The following ADAMTS12 variants were observed in gnomAD, a reference collection of about 807,000 sequenced individuals.
The protein encoded by ADAMTS12 is ADAM metallopeptidase with thrombospondin type 1 motif 12, also known as A disintegrin and metalloproteinase with thrombospondin motifs 12.
A neutral mutation model predicts 167.8 loss-of-function variants in ADAMTS12; 118 were observed. The ratio of observed to expected loss-of-function variants is 0.70; its 90% confidence interval spans 0.61 to 0.82. The LOEUF is 0.82. ADAMTS12 is among the 40% of genes least tolerant of loss of function. The pLI is 0.00. For missense variants in ADAMTS12, 1,916 were observed against 1,998.8 expected (o/e 0.96, Z 0.79); for synonymous variants, 704 against 716.9 (o/e 0.98, Z 0.29).
At chr5:33,558,447 A>G (rs1170663380) in intron 20 of ADAMTS12, among the ~76,000 whole-genome samples, 1 of 152,172 alleles carries the variant, frequency 6.6e-6, no homozygotes, top group Non-Finnish European at 1.5e-5. Flanking sequence ...AACAACTCCT[A>G]CAAAACCACT....
At chr5:33,869,434 G>A (rs915173784) in intron 2 of ADAMTS12, among the ~76,000 whole-genome samples, 6 of 152,086 alleles carry the variant, frequency 3.9e-5, no homozygotes, top group African/African-American at 1.4e-4. Flanking sequence ...CTCTGGTAGG[G>A]CAATGCAGAG....
In ADAMTS12 at chr5:33,641,405, A is replaced by G. The variant is rs111507091; in HGVS notation, c.1718+405T>C. On this transcript the variant is annotated intron_variant, in intron 11 of 23. Transcript: ENST00000504830. ...ATTATTCTCATAAAATTGTGTATTC[A>G]TTATCATTGAAAGCAAGCTACAATC... Among the ~76,000 whole-genome samples, 1,427 of 152,314 alleles carry G rather than the reference A, an allele frequency of 9.4e-3. 18 individuals carry two copies. The highest frequency in any genetic ancestry group is 0.036 in the South Asian group (174 of 4,826).
intron 16 of ADAMTS12, among the ~76,000 whole-genome samples, chr5:33,597,818 T>C (rs1026728441): frequency 6.6e-6 from 1 of 152,048 alleles, no homozygotes; most frequent in Non-Finnish European, 1.5e-5. Context: ...GCATCTGCCA[T>C]TGGAGAGTGG....
intron 2 of ADAMTS12, among the ~76,000 whole-genome samples, chr5:33,875,710 T>C (rs982090060): frequency 6.6e-6 from 1 of 152,138 alleles, no homozygotes; most frequent in African/African-American, 2.4e-5. Flanking sequence ...GTATACCCAA[T>C]GATAAAAGTC....
intron 2 of ADAMTS12, among the ~76,000 whole-genome samples, chr5:33,839,305 A>C (rs1010945867): frequency 2.6e-5 from 4 of 152,230 alleles, no homozygotes; most frequent in African/African-American, 9.7e-5. Context: ...TATTATTAGC[A>C]GAAATCTTTT....
At position 33,881,401 on chromosome 5, in the gene ADAMTS12, A is replaced by G. The variant is rs776284384; in HGVS notation, c.207T>C (p.Tyr69=). 1.2e-6 allele frequency: 2 copies of G among 1,614,148 alleles called. No homozygotes were observed. The highest frequency in any genetic ancestry group is 1.7e-4 in the Middle Eastern group (1 of 6,060). ...RVDASGHFLS[Y]GLHYPITSSR... Reference sequence around the variant, plus strand: ...TGCTCGTGATGGGATAGTGCAAGCCATATGACAAAAAATGCCCACTGGCAT... The same window carrying G: ...TGCTCGTGATGGGATAGTGCAAGCCGTATGACAAAAAATGCCCACTGGCAT... The change falls in exon 2 of 24, where the codon TAT becomes TAC. Residue 69 remains tyrosine, a synonymous_variant. Transcript: ENST00000504830.
chr5:33,805,603 CGCGTGGAG>C (rs1241360043), intron 2 of ADAMTS12, among the ~76,000 whole-genome samples: 5 of 152,112 alleles, frequency 3.3e-5, no homozygotes, highest in African/African-American at 1.2e-4. Flanking sequence ...CTAAGGGGAG[CGCGTGGAG>C]GCTTTCATCA....
chr5:33,551,413 C>A (rs1745249682), intron 20 of ADAMTS12, among the ~76,000 whole-genome samples: 1 of 152,164 alleles, frequency 6.6e-6, no homozygotes. Flanking sequence ...TGTTTTCCTG[C>A]CACACAGTAA....
At chr5:33,746,221 T>C (rs1744781816) in intron 3 of ADAMTS12, among the ~76,000 whole-genome samples, 1 of 152,190 alleles carries the variant, frequency 6.6e-6, no homozygotes, top group African/African-American at 2.4e-5. Context: ...AATAGTACCA[T>C]CTACTGAGTA....
intron 2 of ADAMTS12, among the ~76,000 whole-genome samples, chr5:33,869,847 C>T (rs948388105): frequency 4.6e-5 from 7 of 152,120 alleles, no homozygotes; most frequent in African/African-American, 1.7e-4. Context: ...GCAGGAATTT[C>T]CTAATCCTAA....
At chr5:33,705,688 T>C (rs774296168) in intron 3 of ADAMTS12, among the ~76,000 whole-genome samples, 4 of 151,388 alleles carry the variant, frequency 2.6e-5, no homozygotes, top group Non-Finnish European at 5.9e-5. Flanking sequence ...TGGGCACCTG[T>C]AGTCCAGCTA....
chr5:33,720,119 G>C (rs1561233544), intron 3 of ADAMTS12, among the ~76,000 whole-genome samples: 1 of 151,998 alleles, frequency 6.6e-6, no homozygotes, highest in Non-Finnish European at 1.5e-5. Flanking sequence ...ATCCATGATT[G>C]AAGCTATCCA....
intron 3 of ADAMTS12, among the ~76,000 whole-genome samples, chr5:33,704,535 C>T (rs1743118334): frequency 6.6e-6 from 1 of 151,740 alleles, no homozygotes; most frequent in Admixed American, 6.6e-5. Flanking sequence ...TTGATAATAC[C>T]CCACCTAATA....
intron 1 of ADAMTS12, among the ~76,000 whole-genome samples, chr5:33,889,808 C>T (rs1750779020): frequency 6.6e-6 from 1 of 151,954 alleles, no homozygotes; most frequent in South Asian, 2.1e-4. Flanking sequence ...AAAAATTAGC[C>T]GGGCATGGTG....
intron 22 of ADAMTS12, among the ~76,000 whole-genome samples, chr5:33,538,377 C>T (rs375900122): frequency 6.6e-6 from 1 of 152,158 alleles, no homozygotes; most frequent in Non-Finnish European, 1.5e-5. Context: ...GGGTCTCTCC[C>T]TTGACACGTG....
At chr5:33,849,179 ATATATGTATTG>A (rs2111634700) in intron 2 of ADAMTS12, among the ~76,000 whole-genome samples, 1 of 98,710 alleles carries the variant, frequency 1.0e-5, no homozygotes, top group South Asian at 3.3e-4. Flanking sequence ...ATAGCAATAT[ATATATGTATTG>A]CATAGCAATA....
intron 10 of ADAMTS12, 103 bp from the exon 11 acceptor site, chr5:33,642,058 G>A (rs60892887): frequency 0.22 from 269,936 of 1,228,900 alleles, 32,016 homozygotes; most frequent in Non-Finnish European, 0.25. Flanking sequence ...CAAGCAAGCC[G>A]GCTTTCTACA....
chr5:33,576,128 G>C lies in ADAMTS12; in HGVS notation c.3898C>G (p.Leu1300Val). 1 of 1,614,164 alleles carries C rather than the reference G, an allele frequency of 6.2e-7. No individual in the cohort carries two copies. Among genetic ancestry groups the C allele is most frequent in the Non-Finnish European group, 8.5e-7 (1 of 1,180,022 alleles). ...AGCTGCTTGTAATTGGAGGCATTTA[G>C]CAAAAAGCCCTCAGTAATCAGACTT... ...ATSLITEGFL[L>V]NASNYKQLTN... Residue 1300 changes from leucine (L) to valine (V), a missense_variant, in exon 19 of 24, where the codon CTA (leucine) becomes GTA (valine). Coordinates refer to ENST00000504830, the MANE Select transcript of ADAMTS12 (RefSeq NM_030955.4).
chr5:33,800,100 T>C (rs1255095697), intron 2 of ADAMTS12, among the ~76,000 whole-genome samples: 1 of 152,210 alleles, frequency 6.6e-6, no homozygotes, highest in Non-Finnish European at 1.5e-5. Flanking sequence ...TTGATGACTT[T>C]AGCAAAATAC....
Sources: allele counts gnomAD v4.1 joint callset (sites outside exome capture counted in the v4.1 genomes callset), GRCh38; gene constraint gnomAD v4.1.1; transcripts MANE v1.5; gene names NCBI Gene and HGNC (gene_info 2026-07-23, HGNC 2026-07-21).